ABI2: variants seen among roughly 807,000 people sequenced by gnomAD.
The protein encoded by ABI2 is abl interactor 2.
Under a neutral mutation model 59.2 loss-of-function variants are expected in ABI2, and 25 were observed. The observed-to-expected ratio is 0.42, with a 90% CI of 0.31 to 0.59. The LOEUF (loss-of-function observed/expected upper bound fraction) is 0.59, where lower values mean the gene tolerates loss of function less well. ABI2 is among the 20% of genes least tolerant of loss of function. The probability of loss-of-function intolerance (pLI) is 0.14; values close to 1 mark genes in which losing one functional copy is unlikely to be tolerated. For missense variants in ABI2, 545 were observed against 681.8 expected (o/e 0.80, Z 2.23); for synonymous variants, 213 against 235.5 (o/e 0.90, Z 0.87).
At chr2:203,328,671 C>G in intron 1 of ABI2, 40 bp downstream of exon 1, 1 of 1,389,156 alleles carries the variant, frequency 7.2e-7, no homozygotes, top group Non-Finnish European at 9.6e-7. Flanking sequence ...GGGGACCCCC[C>G]CGCCGGGGGC....
chr2:203,330,816 CTT>C (rs1277264200), intron 1 of ABI2, among the ~76,000 whole-genome samples: 1 of 152,118 alleles, frequency 6.6e-6, no homozygotes, highest in Non-Finnish European at 1.5e-5. Flanking sequence ...ACAAGTTCCT[CTT>C]AAGTTATAAT....
intron 2 of ABI2, among the ~76,000 whole-genome samples, chr2:203,369,761 A>G (rs552314242): frequency 7.2e-5 from 11 of 152,324 alleles, no homozygotes; most frequent in African/African-American, 1.2e-4. Context: ...TAGATCTGCA[A>G]TTCTCAGTGG....
chr2:203,427,069 G>A, intron 11 of ABI2, 108 bp from the exon 12 acceptor site: 1 of 929,574 alleles, frequency 1.1e-6, no homozygotes, highest in Non-Finnish European at 1.6e-6. Flanking sequence ...AAGTCACCAT[G>A]TTTGAGTGCT....
intron 2 of ABI2, among the ~76,000 whole-genome samples, chr2:203,372,842 T>C (rs75805346): frequency 0.74 from 111,004 of 149,952 alleles, 41,982 homozygotes; most frequent in Middle Eastern, 0.87. Context: ...GGGTCGCGGC[T>C]GGGCGCCCTC....
chr2:203,370,222 CTCTCTT>C (rs1296057875), intron 2 of ABI2, among the ~76,000 whole-genome samples: 2 of 132,580 alleles, frequency 1.5e-5, no homozygotes, highest in Non-Finnish European at 3.4e-5. Context: ...CTCTCTCTCT[CTCTCTT>C]TCTGTGTGTA....
chr2:203,394,256 G>A (rs1226888238), intron 5 of ABI2: 1 of 159,398 alleles, frequency 6.3e-6, no homozygotes, highest in South Asian at 1.9e-4. Context: ...GGGGGTTATA[G>A]ATCCTAAATC....
chr2:203,348,038 C>T (rs1404334188), intron 1 of ABI2, among the ~76,000 whole-genome samples: 5 of 151,974 alleles, frequency 3.3e-5, no homozygotes, highest in African/African-American at 1.2e-4. Context: ...GTCAGGAGTT[C>T]GAGACCATCT....
intron 1 of ABI2, among the ~76,000 whole-genome samples, chr2:203,349,795 A>T (rs916046802): frequency 4.0e-5 from 6 of 151,628 alleles, no homozygotes; most frequent in Non-Finnish European, 4.4e-5. Context: ...GTTGATTGAC[A>T]TTCTGATTTT....
intron 6 of ABI2, among the ~76,000 whole-genome samples, 190 bp from the exon 7 acceptor site, chr2:203,395,466 C>T (rs1204124554): frequency 4.0e-5 from 6 of 150,044 alleles, no homozygotes; most frequent in African/African-American, 1.5e-4. Flanking sequence ...CACACACACA[C>T]ACACACACAC....
chr2:203,347,503 C>T (rs576252787), intron 1 of ABI2, among the ~76,000 whole-genome samples: 1 of 152,240 alleles, frequency 6.6e-6, no homozygotes, highest in African/African-American at 2.4e-5. Flanking sequence ...CATTACCACC[C>T]AAGGAAAATG....
chr2:203,414,512 C>T (rs958804321), intron 10 of ABI2, among the ~76,000 whole-genome samples: 1 of 152,186 alleles, frequency 6.6e-6, no homozygotes, highest in African/African-American at 2.4e-5. Flanking sequence ...GAAGCCTTTC[C>T]TGACCCACAT....
intron 11 of ABI2, among the ~76,000 whole-genome samples, chr2:203,426,785 T>TAAAAAAAAAAAA (rs59683844): frequency 7.6e-6 from 1 of 131,830 alleles, no homozygotes. Flanking sequence ...AGAAAAGCTT[T>TAAAAAAAAAAAA]AAAAAAAAAA....
intron 9 of ABI2, chr2:203,403,350 A>G (rs1465106668): frequency 7.1e-5 from 11 of 154,834 alleles, no homozygotes; most frequent in Non-Finnish European, 1.2e-4. Flanking sequence ...CACCATGGCT[A>G]TTGTGGACAT....
intron 2 of ABI2, among the ~76,000 whole-genome samples, chr2:203,371,005 G>A (rs958593919): frequency 6.6e-6 from 1 of 152,166 alleles, no homozygotes; most frequent in Admixed American, 6.5e-5. Context: ...AAAAAGATCA[G>A]GGCATCTAGG....
chr2:203,382,291 G>T, intron 4 of ABI2, 85 bp downstream of exon 4: 1 of 1,201,328 alleles, frequency 8.3e-7, no homozygotes, highest in African/African-American at 1.6e-5. Context: ...GTTAACTCTT[G>T]GCCTTTTAAA....
intron 1 of ABI2, chr2:203,342,295 G>A (rs2080421197): frequency 1.1e-5 from 5 of 437,318 alleles, no homozygotes; most frequent in Non-Finnish European, 2.3e-5. Context: ...AATCTTCGTT[G>A]TAAATTTTGA....
At position 203,428,567 on chromosome 2, in the gene ABI2, T is replaced by G. The variant is rs1213304891; in HGVS notation, c.*1215T>G. The G allele has an allele frequency of 1.3e-5, 2 of 152,604 alleles. No individual in the cohort carries two copies. The highest frequency in any genetic ancestry group is 2.9e-5 in the Non-Finnish European group (2 of 68,036). 9.5% of individuals were successfully genotyped at this position (152,604 alleles called of 1,614,324 possible). On this transcript the variant is annotated 3_prime_UTR_variant, in exon 12 of 12. Transcript: ENST00000261018. ...TGAATAAGATTAATAGGCCAAAATA[T>G]GTATCTAATCACATTGATAAAAATT...
chr2:203,406,119 G>A (rs542158597), intron 9 of ABI2, among the ~76,000 whole-genome samples: 15 of 152,062 alleles, frequency 9.9e-5, no homozygotes, highest in African/African-American at 3.4e-4. Flanking sequence ...GTAAGGAGGG[G>A]GTCATAGAAA....
At chr2:203,394,971 C>T (rs2096913854) in intron 6 of ABI2, 125 bp downstream of exon 6, 3 of 1,064,986 alleles carry the variant, frequency 2.8e-6, no homozygotes, top group Non-Finnish European at 4.2e-6. Flanking sequence ...TCCCAAACCT[C>T]ATCTGATTTC....
Sources: allele counts gnomAD v4.1 joint callset (sites outside exome capture counted in the v4.1 genomes callset), GRCh38; gene constraint gnomAD v4.1.1; transcripts MANE v1.5; gene names NCBI Gene and HGNC (gene_info 2026-07-23, HGNC 2026-07-21).